CUX1: variants seen among roughly 807,000 people sequenced by gnomAD.
The protein encoded by CUX1 is protein CASP.
In CUX1, 31 loss-of-function variants were observed where a neutral mutation model predicts 158.8. That is an observed-to-expected ratio of 0.20 (90% CI 0.15 to 0.26). The LOEUF is 0.26. CUX1 is among the 10% of genes least tolerant of loss of function. CUX1 has a pLI of 1.00. For synonymous variants in CUX1, 879 were observed against 862.1 expected, an observed-to-expected ratio of 1.02 and a Z score of -0.34; for missense variants, 1,589 against 2,014.6, an observed-to-expected ratio of 0.79 and a Z score of 4.04.
intron 2 of CUX1, among the ~76,000 whole-genome samples, chr7:101,935,959 C>T (rs1187008275): frequency 2.0e-5 from 3 of 152,126 alleles, no homozygotes; most frequent in African/African-American, 4.8e-5. Flanking sequence ...GAGGACTCTG[C>T]GAGAAACACG....
chr7:102,064,810 T>G (rs1216681145), intron 3 of CUX1, among the ~76,000 whole-genome samples: 1 of 151,938 alleles, frequency 6.6e-6, no homozygotes, highest in Non-Finnish European at 1.5e-5. Context: ...GAGGTGGGGC[T>G]GGCAGTCAAA....
At chr7:101,862,742 C>T (rs1258567046) in intron 1 of CUX1, among the ~76,000 whole-genome samples, 1 of 152,074 alleles carries the variant, frequency 6.6e-6, no homozygotes, top group East Asian at 1.9e-4. Flanking sequence ...GTGTCCCTTT[C>T]CTTCCCATCG....
rs148198867 is a variant in CUX1 at position 102,043,779 on chromosome 7, G to A, written c.189+15634G>A. On this transcript the variant is annotated intron_variant, in intron 3 of 23. Coordinates refer to ENST00000292535, the MANE Select transcript of CUX1 (RefSeq NM_181552.4). ...TAATTTTGGGGGGAACCTCCGTACT[G>A]TTTCCCATAATGGCTGTACCAATTT... Among the ~76,000 whole-genome samples the A allele has an allele frequency of 9.5e-4, 145 of 152,204 alleles. 1 individual carries two copies. The highest frequency in any genetic ancestry group is 3.4e-3 in the Middle Eastern group (1 of 294).
At chr7:101,886,984 G>A (rs547596134) in intron 1 of CUX1, among the ~76,000 whole-genome samples, 3 of 152,234 alleles carry the variant, frequency 2.0e-5, no homozygotes, top group South Asian at 2.1e-4. Flanking sequence ...CCCACTCTTC[G>A]CTCCCTGCTC....
intron 20 of CUX1, among the ~76,000 whole-genome samples, chr7:102,222,097 C>A (rs533406250): frequency 3.2e-4 from 48 of 152,092 alleles, no homozygotes; most frequent in South Asian, 1.0e-3. Context: ...CATCTCTCTA[C>A]AAAATATACA....
At chr7:101,998,216 GC>G (rs1479323738) in intron 2 of CUX1, among the ~76,000 whole-genome samples, 1 of 152,176 alleles carries the variant, frequency 6.6e-6, no homozygotes, top group Non-Finnish European at 1.5e-5. Context: ...AGTGTGGATT[GC>G]AGGGCTGTGC....
At chr7:102,181,035 A>G (rs1793031355) in intron 11 of CUX1, among the ~76,000 whole-genome samples, 1 of 151,068 alleles carries the variant, frequency 6.6e-6, no homozygotes, top group Non-Finnish European at 1.5e-5. Context: ...TCTGCCTCCC[A>G]TGTTCAAGTG....
At position 102,239,542 on chromosome 7, in the gene CUX1, A is replaced by G. The variant is rs543767455; in HGVS notation, c.3845A>G (p.Asn1282Ser). The change falls in exon 23 of 24, where the codon AAC (asparagine) becomes AGC (serine). Residue 1282 changes from asparagine to serine, a missense_variant. Transcript: ENST00000292535. ...ATCGAAGACCTCGCCACCCAGCTCA[A>G]CCTGAAAACCAGCACCGTCATCAAC... ...KTIEDLATQLNLKTSTVINWF... is the reference protein window; with the variant it reads ...KTIEDLATQLSLKTSTVINWF... 8.1e-6 allele frequency: 13 copies of G among 1,613,988 alleles called. No homozygotes were observed. The highest frequency in any genetic ancestry group is 5.5e-5 in the South Asian group (5 of 91,084).
intron 1 of CUX1, among the ~76,000 whole-genome samples, chr7:101,818,662 T>TA (rs1270943891): frequency 2.6e-5 from 4 of 152,192 alleles, no homozygotes; most frequent in South Asian, 4.1e-4. Flanking sequence ...TTGCTTTTGG[T>TA]GGTTGCTAAC....
rs1482811294 is a variant in CUX1, at chr7:102,250,467, T to C, written c.*1425T>C. The C allele has an allele frequency of 2.0e-6, 2 of 985,316 alleles. No individual in the cohort carries two copies. Among genetic ancestry groups the C allele is most frequent in the Admixed American group, 6.2e-5 (1 of 16,252 alleles). The allele number at this position is 985,316 out of a possible 1,614,324, so 61.0% of individuals were successfully genotyped here. A position where few individuals can be genotyped will look rare whatever the true frequency, so the allele number is the denominator to read the frequency against. On this transcript the variant is annotated 3_prime_UTR_variant, in exon 24 of 24. Transcript: ENST00000292535. ...GGGCTTACACGCGCACTCTCTCTCT[T>C]CTTTCCCTTTTTCTTCCCACCGCAA...
At chr7:101,838,726 C>A (rs1464334869) in intron 1 of CUX1, among the ~76,000 whole-genome samples, 1 of 151,802 alleles carries the variant, frequency 6.6e-6, no homozygotes, top group Non-Finnish European at 1.5e-5. Flanking sequence ...TCGCTTGAAC[C>A]TGGGAGGTAG....
At chr7:102,166,393 A>G (rs1444195102) in intron 9 of CUX1, among the ~76,000 whole-genome samples, 3 of 152,224 alleles carry the variant, frequency 2.0e-5, no homozygotes, top group African/African-American at 7.2e-5. Flanking sequence ...GAGGGCTCCC[A>G]GTGGCCCTGT....
chr7:102,090,725 G>T, intron 4 of CUX1, among the ~76,000 whole-genome samples: 2 of 146,556 alleles, frequency 1.4e-5, no homozygotes, highest in South Asian at 2.1e-4. Context: ...AGAAGATCCT[G>T]CATTTCTTAT....
At chr7:102,075,265 G>A (rs1018232278) in intron 4 of CUX1, among the ~76,000 whole-genome samples, 4 of 152,102 alleles carry the variant, frequency 2.6e-5, no homozygotes, top group African/African-American at 4.8e-5. Context: ...TGCAGTTCAC[G>A]GTGGCATGAG....
chr7:102,204,440 A>C lies in CUX1; in HGVS notation c.2957A>C (p.Lys986Thr). 1 of 1,613,726 alleles carries C rather than the reference A, an allele frequency of 6.2e-7. No individual in the cohort carries two copies. The highest frequency in any genetic ancestry group is 8.5e-7 in the Non-Finnish European group (1 of 1,180,030). The change falls in exon 19 of 24, where the codon AAG (lysine) becomes ACG (threonine). Residue 986 changes from lysine to threonine, a missense_variant. By Grantham distance (78) the Lys-to-Thr change is moderately conservative (BLOSUM62 -1). Coordinates refer to ENST00000292535, the MANE Select transcript of CUX1 (RefSeq NM_181552.4). ...GSVSDMLSRP[K>T]PWSKLTQKGR... ...GTCAGCGACATGCTGTCCCGACCGA[A>C]GCCATGGAGCAAGCTGACGCAGAAA...
At chr7:101,842,419 G>A (rs185951337) in intron 1 of CUX1, among the ~76,000 whole-genome samples, 50 of 151,876 alleles carry the variant, frequency 3.3e-4, no homozygotes, top group Admixed American at 1.2e-3. Flanking sequence ...ACAGAGTCTC[G>A]CTGCATCACC....
At chr7:102,079,917 A>G (rs946533413) in intron 4 of CUX1, among the ~76,000 whole-genome samples, 12 of 151,942 alleles carry the variant, frequency 7.9e-5, no homozygotes, top group Admixed American at 5.9e-4. Context: ...TCCCAGTTAC[A>G]CTCAGGCTCC....
exon 23 of CUX1, chr7:102,283,178 T>A: frequency 8.9e-7 from 1 of 1,120,526 alleles, no homozygotes; most frequent in Non-Finnish European, 1.3e-6. Context: ...CCCTGAAGAA[T>A]CCCCCATGGA....
intron 14 of CUX1, among the ~76,000 whole-genome samples, chr7:102,265,854 T>C (rs1487912441): frequency 6.6e-6 from 1 of 151,648 alleles, no homozygotes; most frequent in African/African-American, 2.4e-5. Flanking sequence ...TCGGACTAGG[T>C]GGCAGCAGTG....
Sources: gnomAD v4.1 joint callset for allele counts (sites outside exome capture counted in the v4.1 genomes callset) on GRCh38, gnomAD v4.1.1 for gene constraint, MANE v1.5 for transcripts, NCBI Gene and HGNC (gene_info 2026-07-23, HGNC 2026-07-21) for gene names.